Variants in KANK1 observed in about 807,000 individuals in gnomAD.
KANK1 encodes KN motif and ankyrin repeat domains 1, also known as KN motif and ankyrin repeat domain-containing protein 1.
Under a neutral mutation model 106.2 loss-of-function variants are expected in KANK1, and 109 were observed. The observed-to-expected ratio is 1.03, with a 90% CI of 0.88 to 1.20. The LOEUF is 1.20. KANK1 is among the 50% of genes most tolerant of loss of function. The pLI is 0.00. For synonymous variants in KANK1, 873 were observed against 652.2 expected (o/e 1.34, Z -5.16); for missense variants, 2,399 against 1,710.7 (o/e 1.40, Z -7.10).
intron 1 of KANK1, among the ~76,000 whole-genome samples, chr9:647,475 G>C (rs779535047): frequency 3.3e-5 from 5 of 150,862 alleles, no homozygotes; most frequent in Non-Finnish European, 5.9e-5. Context: ...ACATTGGTCA[G>C]GTTCCAAACT....
intron 1 of KANK1, among the ~76,000 whole-genome samples, chr9:610,288 T>G (rs569398275): frequency 2.0e-5 from 3 of 152,294 alleles, no homozygotes; most frequent in Non-Finnish European, 1.5e-5. Flanking sequence ...ATTAGAAGTA[T>G]ATAAGATGAA....
chr9:567,320 G>A (rs1261724508), intron 1 of KANK1, among the ~76,000 whole-genome samples: 2 of 152,140 alleles, frequency 1.3e-5, no homozygotes, highest in Non-Finnish European at 2.9e-5. Context: ...TGCCTTCTAT[G>A]CCTACATCTT....
intron 3 of KANK1, among the ~76,000 whole-genome samples, chr9:489,250 T>C (rs969182645): frequency 3.9e-5 from 6 of 152,162 alleles, no homozygotes; most frequent in Non-Finnish European, 8.8e-5. Context: ...GGGTAGAGCC[T>C]ACATGTGTAT....
chr9:607,835 T>C (rs1482086444), intron 1 of KANK1, among the ~76,000 whole-genome samples: 2 of 151,684 alleles, frequency 1.3e-5, no homozygotes, highest in Non-Finnish European at 2.9e-5. Context: ...GATGTGGTGG[T>C]AAAATTAGGC....
At chr9:569,778 C>T (rs1397051180) in intron 1 of KANK1, among the ~76,000 whole-genome samples, 1 of 151,760 alleles carries the variant, frequency 6.6e-6, no homozygotes, top group East Asian at 1.9e-4. Context: ...TCTATTAATG[C>T]ATTCATTATT....
At chr9:605,113 C>G (rs1454090693) in intron 1 of KANK1, among the ~76,000 whole-genome samples, 1 of 151,338 alleles carries the variant, frequency 6.6e-6, no homozygotes, top group African/African-American at 2.5e-5. Context: ...ACCAGCCTGA[C>G]CAACATGATG....
At chr9:583,854 G>A (rs1479598758) in intron 1 of KANK1, among the ~76,000 whole-genome samples, 1 of 151,974 alleles carries the variant, frequency 6.6e-6, no homozygotes, top group African/African-American at 2.4e-5. Context: ...GTAAAAAGGT[G>A]CGAAGTGTTC....
At chr9:521,565 CTTTTTTT>C (rs35143391) in intron 1 of KANK1, among the ~76,000 whole-genome samples, 2 of 118,802 alleles carry the variant, frequency 1.7e-5, no homozygotes, top group Non-Finnish European at 3.4e-5. Flanking sequence ...CCTCCAGATT[CTTTTTTT>C]TTTTTTTTTT....
In KANK1 at chr9:526,062, GGA is replaced by G. The variant is rs764370612; in HGVS notation, c.-84+21311_-84+21312del. On this transcript the variant is annotated intron_variant, in intron 1 of 11. Transcript: ENST00000382297. ...CACATGTATCCCTCTCTGCCTCTGA[GGA>G]GAATGGGGCCTTTCTTGGAGAACAC... 4.0e-3 allele frequency among the ~76,000 whole-genome samples: 604 copies of G among 151,860 alleles called. 6 individuals carry two copies. Among genetic ancestry groups the G allele is most frequent in the Non-Finnish European group, 6.5e-3 (444 of 68,014 alleles).
intron 1 of KANK1, among the ~76,000 whole-genome samples, chr9:575,721 T>A (rs1311549553): frequency 1.3e-5 from 2 of 152,056 alleles, no homozygotes; most frequent in Non-Finnish European, 2.9e-5. Context: ...AAGGAAAGAA[T>A]GGCTTAAGCA....
chr9:655,601 G>A (rs1014529318), intron 1 of KANK1, among the ~76,000 whole-genome samples: 1 of 152,156 alleles, frequency 6.6e-6, no homozygotes, highest in Non-Finnish European at 1.5e-5. Context: ...ATCAAGTCAG[G>A]CAGATGCTGC....
At chr9:489,506 G>A (rs2058344757) in intron 3 of KANK1, among the ~76,000 whole-genome samples, 1 of 152,190 alleles carries the variant, frequency 6.6e-6, no homozygotes, top group African/African-American at 2.4e-5. Context: ...TAAGACTTCT[G>A]CTTAGACTGA....
chr9:532,517 A>T (rs942838067), intron 1 of KANK1, among the ~76,000 whole-genome samples: 1 of 150,358 alleles, frequency 6.7e-6, no homozygotes, highest in African/African-American at 2.4e-5. Flanking sequence ...CACCCATTCA[A>T]CCCTTAACTC....
intron 1 of KANK1, chr9:540,550 C>T (rs2060541724): frequency 1.3e-5 from 2 of 152,116 alleles, no homozygotes; most frequent in South Asian, 4.1e-4. Flanking sequence ...AGGGTTGATT[C>T]CATCCTCTTC....
rs1441321790 is a variant in KANK1 at position 600,760 on chromosome 9, ATCT to A, written c.-83-76126_-83-76124del. Among the ~76,000 whole-genome samples, 7 of 151,968 alleles carry A rather than the reference ATCT, an allele frequency of 4.6e-5. No individual in the cohort carries two copies. The East Asian group carries it at 5.8e-4, about 13-fold the overall frequency. ...ATAGCTTTGGATTTTATGCCAAAAG[ATCT>A]TCTACTTGTTGACAGATTCTGTGAA... On this transcript the variant is annotated intron_variant, in intron 1 of 11. Coordinates refer to ENST00000382297, the MANE Select transcript of KANK1 (RefSeq NM_015158.5).
intron 3 of KANK1, among the ~76,000 whole-genome samples, chr9:494,041 C>T (rs906804911): frequency 1.3e-5 from 2 of 151,890 alleles, no homozygotes; most frequent in African/African-American, 4.8e-5. Flanking sequence ...CACCGCCATG[C>T]CCCACTAATT....
At chr9:618,581 A>G (rs775791638) in intron 1 of KANK1, among the ~76,000 whole-genome samples, 1 of 152,118 alleles carries the variant, frequency 6.6e-6, no homozygotes, top group Non-Finnish European at 1.5e-5. Flanking sequence ...AATTTTTTTT[A>G]AAGCAAAGAT....
intron 1 of KANK1, among the ~76,000 whole-genome samples, chr9:633,564 A>C (rs1272005824): frequency 6.6e-6 from 1 of 152,310 alleles, no homozygotes; most frequent in East Asian, 1.9e-4. Context: ...CTGTCTGTCC[A>C]TAGCATTGTA....
chr9:702,330 GTCA>G (rs1822885703), intron 2 of KANK1, among the ~76,000 whole-genome samples: 1 of 152,176 alleles, frequency 6.6e-6, no homozygotes, highest in Non-Finnish European at 1.5e-5. Flanking sequence ...AATGCCAGCT[GTCA>G]TGTAGCTGTT....
Sources: allele counts gnomAD v4.1 joint callset (sites outside exome capture counted in the v4.1 genomes callset), GRCh38; gene constraint gnomAD v4.1.1; transcripts MANE v1.5; gene names NCBI Gene and HGNC (gene_info 2026-07-23, HGNC 2026-07-21).